SESN2: variants seen among roughly 807,000 people sequenced by gnomAD.
SESN2 encodes sestrin-2.
SESN2 carries 42 observed loss-of-function variants against 56.0 expected under a neutral mutation model. The observed-to-expected ratio is 0.75, with a 90% CI of 0.59 to 0.97. The LOEUF (loss-of-function observed/expected upper bound fraction) is 0.97. SESN2 is among the 50% of genes least tolerant of loss of function. The pLI is 0.00. For synonymous variants in SESN2, 264 were observed against 267.1 expected (o/e 0.99, Z 0.11); for missense variants, 507 against 649.4 (o/e 0.78, Z 2.38).
At chr1:28,264,656 C>T (rs1317892565) in intron 1 of SESN2, among the ~76,000 whole-genome samples, 5 of 152,126 alleles carry the variant, frequency 3.3e-5, no homozygotes, top group Admixed American at 3.3e-4. Flanking sequence ...CTACATGTGG[C>T]TATTTAAATT....
Position 28,271,793 on chromosome 1 carries a change from C to T in SESN2, c.276C>T (p.Ser92=), listed in dbSNP as rs1424450520. The change falls in exon 3 of 10, where the codon AGC becomes AGT. Residue 92 remains serine (S), a synonymous_variant. Transcript: ENST00000253063. ...VMGLHPDYFT[S]FWRLHYLLLH... is the part of the protein sequence containing the mutation. ...GCCTGCACCCTGACTACTTTACCAGCTTCTGGCGCCTGCACTACCTGCTGC... is the reference window on the plus strand; with the variant it reads ...GCCTGCACCCTGACTACTTTACCAGTTTCTGGCGCCTGCACTACCTGCTGC... The T allele has an allele frequency of 6.2e-7, 1 of 1,614,238 alleles. No individual in the cohort carries two copies. The highest frequency in any genetic ancestry group is 1.1e-5 in the South Asian group (1 of 91,086).
chr1:28,271,398 G>A (rs569464050), intron 2 of SESN2, among the ~76,000 whole-genome samples: 2 of 152,310 alleles, frequency 1.3e-5, no homozygotes, highest in Admixed American at 1.3e-4. Flanking sequence ...CAGTTTTATA[G>A]TTGTTGTGAG....
chr1:28,262,024 A>G (rs1387555447), intron 1 of SESN2, among the ~76,000 whole-genome samples: 1 of 152,052 alleles, frequency 6.6e-6, no homozygotes, highest in East Asian at 1.9e-4. Context: ...CAGGTGATCC[A>G]CCTGCCTTGG....
intron 1 of SESN2, among the ~76,000 whole-genome samples, chr1:28,260,807 C>G (rs1038651392): frequency 2.0e-5 from 3 of 152,034 alleles, no homozygotes; most frequent in African/African-American, 7.2e-5. Flanking sequence ...ACTCCCCCAC[C>G]ACTACCAGCA....
In SESN2 at chr1:28,259,647, T is replaced by A; in HGVS notation, c.-201T>A. Reference sequence around the variant, plus strand: ...CCAGGCCCCCGAGGCCGTTCGCCGTTCCCGAAGCCCGACTGGGGGAAGAGT... The same window carrying A: ...CCAGGCCCCCGAGGCCGTTCGCCGTACCCGAAGCCCGACTGGGGGAAGAGT... On this transcript the variant is annotated 5_prime_UTR_variant, in exon 1 of 10. Coordinates refer to ENST00000253063, the MANE Select transcript of SESN2 (RefSeq NM_031459.5). 2.3e-6 allele frequency: 1 copy of A among 443,370 alleles called. No homozygotes were observed. The highest frequency in any genetic ancestry group is 4.4e-5 in the Admixed American group (1 of 22,764). 27.5% of individuals were successfully genotyped at this position (443,370 alleles called of 1,614,324 possible).
Position 28,280,882 on chromosome 1 carries a change from C to G in SESN2, c.*80C>G, listed in dbSNP as rs950275639. 1.9e-6 allele frequency: 2 copies of G among 1,033,368 alleles called. No homozygotes were observed. The highest frequency in any genetic ancestry group is 2.4e-5 in the East Asian group (1 of 41,848). The allele number at this position is 1,033,368 out of a possible 1,614,324, so 64.0% of individuals were successfully genotyped here. On this transcript the variant is annotated 3_prime_UTR_variant, in exon 10 of 10. Coordinates refer to ENST00000253063, the MANE Select transcript of SESN2 (RefSeq NM_031459.5). ...GAGACAGCCCCAGACCCTTTTGTGT[C>G]CCATGCCCACCCTCCCCACGCTGCA...
At chr1:28,278,961 G>A (rs1648140936) in intron 8 of SESN2, 136 bp from the exon 9 acceptor site, 7 of 816,312 alleles carry the variant, frequency 8.6e-6, no homozygotes, top group Non-Finnish European at 1.4e-5. Flanking sequence ...TCTCCAAGAG[G>A]AACTAGGCTT....
chr1:28,273,488 G>C lies in SESN2; in HGVS notation c.881G>C (p.Ser294Thr), dbSNP rs1259786201. The C allele has an allele frequency of 6.2e-7, 1 of 1,608,582 alleles. No individual in the cohort carries two copies. The highest frequency in any genetic ancestry group is 1.1e-5 in the South Asian group (1 of 90,410). ...CGCTTTGAGCTGGAGAAGTCAGAGA[G>C]CCTGCTGGTGACCCCCTCAGGTACA... ...ESRFELEKSE[S>T]LLVTPSADIL... The change falls in exon 6 of 10, where the codon AGC becomes ACC. Residue 294 changes from serine (S) to threonine (T), a missense_variant. By Grantham distance (58) the Ser-to-Thr change is moderately conservative (BLOSUM62 1). Transcript: ENST00000253063.
intron 1 of SESN2, among the ~76,000 whole-genome samples, chr1:28,260,840 C>T (rs1486517213): frequency 2.6e-5 from 4 of 152,064 alleles, no homozygotes; most frequent in African/African-American, 9.7e-5. Context: ...GACATCTTAT[C>T]ATTTATTATG....
In SESN2 at chr1:28,281,450, TAAA is replaced by T. The variant is rs3831951; in HGVS notation, c.*659_*661del. 6.3e-5 allele frequency: 9 copies of T among 141,860 alleles called. No homozygotes were observed. Among genetic ancestry groups the T allele is most frequent in the Non-Finnish European group, 1.2e-4 (8 of 64,774 alleles). 8.8% of individuals were successfully genotyped at this position (141,860 alleles called of 1,614,324 possible). On this transcript the variant is annotated 3_prime_UTR_variant, in exon 10 of 10. Coordinates refer to ENST00000253063, the MANE Select transcript of SESN2 (RefSeq NM_031459.5). The stretch of plus-strand genomic sequence containing the variant: ...GGCGTCAGGAGAGAGGCCAAGTACA[TAAA>T]AAAAAAAAAAGCAGATTATCTCTAG...
intron 2 of SESN2, 134 bp downstream of exon 2, chr1:28,269,382 T>C (rs543241999): frequency 1.3e-5 from 7 of 541,814 alleles, no homozygotes; most frequent in Non-Finnish European, 1.9e-5. Context: ...ATTCATTTAA[T>C]TCACAAAACG....
chr1:28,276,364 A>G (rs1156332487), intron 8 of SESN2, among the ~76,000 whole-genome samples: 1 of 151,864 alleles, frequency 6.6e-6, no homozygotes, highest in Non-Finnish European at 1.5e-5. Flanking sequence ...CTATAGTCCC[A>G]GGTATTCTAG....
At chr1:28,267,748 T>C (rs925158402) in intron 1 of SESN2, among the ~76,000 whole-genome samples, 1 of 152,194 alleles carries the variant, frequency 6.6e-6, no homozygotes, top group African/African-American at 2.4e-5. Context: ...ATTAGTGGTT[T>C]CTAAAGAGGC....
Position 28,274,477 on chromosome 1 carries a change from G to C in SESN2, c.1020+319G>C, listed in dbSNP as rs61785867. Among the ~76,000 whole-genome samples, 1,242 of 152,236 alleles carry C rather than the reference G, an allele frequency of 8.2e-3. 10 individuals carry two copies. The highest frequency in any genetic ancestry group is 0.027 in the South Asian group (131 of 4,832). On this transcript the variant is annotated intron_variant, in intron 7 of 9. Coordinates refer to ENST00000253063, the MANE Select transcript of SESN2 (RefSeq NM_031459.5). ...AGCTGGGAGATCAAGGCTGCAGTGA[G>C]CTGTGATCGCGCTACTGCGCTCCAG...
intron 8 of SESN2, among the ~76,000 whole-genome samples, chr1:28,277,978 C>T (rs1246719666): frequency 2.0e-5 from 3 of 152,164 alleles, no homozygotes; most frequent in African/African-American, 7.2e-5. Flanking sequence ...CAAATCTGCC[C>T]TCCAGTTTCC....
At chr1:28,272,555 C>T (rs1293214203) in intron 4 of SESN2, 26 bp from the exon 5 acceptor site, 19 of 1,613,044 alleles carry the variant, frequency 1.2e-5, no homozygotes, top group Non-Finnish European at 1.6e-5. Flanking sequence ...CTGAGCAGCT[C>T]TGACCTCCCC....
chr1:28,274,255 G>A (rs1180879046), intron 7 of SESN2, 97 bp downstream of exon 7: 1 of 823,930 alleles, frequency 1.2e-6, no homozygotes, highest in East Asian at 2.4e-5. Context: ...TACCCAGCTG[G>A]GCATGGTAGC....
At chr1:28,280,074 A>G (rs1648182107) in intron 9 of SESN2, among the ~76,000 whole-genome samples, 1 of 150,934 alleles carries the variant, frequency 6.6e-6, no homozygotes. Flanking sequence ...CTGAGTTCAA[A>G]TGATCCTCCT....
At chr1:28,277,118 A>T (rs954850750) in intron 8 of SESN2, among the ~76,000 whole-genome samples, 2 of 150,716 alleles carry the variant, frequency 1.3e-5, no homozygotes, top group Non-Finnish European at 2.9e-5. Context: ...CCTGGTAGCC[A>T]GGATGGTCTT....
Sources: gnomAD v4.1 joint callset for allele counts (sites outside exome capture counted in the v4.1 genomes callset) on GRCh38, gnomAD v4.1.1 for gene constraint, MANE v1.5 for transcripts, NCBI Gene and HGNC (gene_info 2026-07-23, HGNC 2026-07-21) for gene names.